ADSS1: variants seen among roughly 807,000 people sequenced by gnomAD.
ADSS1 encodes the protein adenylosuccinate synthase 1, also known as adenylosuccinate synthetase isozyme 1.
Under a neutral mutation model 59.1 loss-of-function variants are expected in ADSS1, and 57 were observed. The observed-to-expected ratio is 0.97, with a 90% CI of 0.78 to 1.20. The LOEUF is 1.20. Among genes scored for constraint, ADSS1 ranks in the 50% most tolerant of loss-of-function variants. ADSS1 has a pLI of 0.00. For missense variants in ADSS1, 603 were observed against 610.3 expected (o/e 0.99, Z 0.13); for synonymous variants, 247 against 249.4 (o/e 0.99, Z 0.09).
At chr14:104,739,284 C>A in intron 3 of ADSS1, 44 bp from the exon 4 acceptor site, 1 of 1,585,080 alleles carries the variant, frequency 6.3e-7, no homozygotes, top group Non-Finnish European at 8.6e-7. Context: ...TGAGCTGCAG[C>A]GCACCTGTGA....
In ADSS1 at chr14:104,740,542, G is replaced by A; in HGVS notation, c.477-59G>A. 6.6e-7 allele frequency: 1 copy of A among 1,514,612 alleles called. No homozygotes were observed. Among genetic ancestry groups the A allele is most frequent in the Admixed American group, 1.8e-5 (1 of 56,080 alleles). The allele number at this position is 1,514,612 out of a possible 1,614,324, so 93.8% of individuals were successfully genotyped here. ...CCGGCGGGGGTCATGGCCTCAGTGG[G>A]ATGCCTGAGCTCCTCAGGGCTCCTG... On this transcript the variant is annotated intron_variant, in intron 5 of 12. Coordinates refer to ENST00000330877, the MANE Select transcript of ADSS1 (RefSeq NM_152328.5). The surrounding 1 kb of genome is among the most constrained non-coding windows in gnomAD (Gnocchi z 4.8).
intron 9 of ADSS1, among the ~76,000 whole-genome samples, 195 bp downstream of exon 9, chr14:104,742,197 C>T (rs1439364554): frequency 6.6e-6 from 1 of 152,240 alleles, no homozygotes; most frequent in Non-Finnish European, 1.5e-5. Context: ...GGCCTGTTCC[C>T]ACGGCCACAG....
At chr14:104,732,450 G>A (rs1219342463) in intron 1 of ADSS1, among the ~76,000 whole-genome samples, 1 of 152,346 alleles carries the variant, frequency 6.6e-6, no homozygotes, top group African/African-American at 2.4e-5. Context: ...CCCCAGAACT[G>A]GGAGCCCCTG....
At position 104,740,625 on chromosome 14, in the gene ADSS1, C is replaced by T. The variant is rs752562610; in HGVS notation, c.501C>T (p.Ile167=). The T allele has an allele frequency of 5.0e-6, 8 of 1,613,792 alleles. No individual in the cohort carries two copies. Among genetic ancestry groups the T allele is most frequent in the African/African-American group, 2.7e-5 (2 of 74,900 alleles). The change falls in exon 6 of 13, where the codon ATC becomes ATT. Residue 167 remains isoleucine, a synonymous_variant. Transcript: ENST00000330877. This position sits in a 1 kb window ranked among gnomAD's most constrained non-coding sequence, Gnocchi z 4.8. ...GKNIGTTKKG[I]GPTYSSKAAR... ...GTATAGGCACCACCAAGAAGGGAAT[C>T]GGACCAACCTACTCTTCCAAAGCTG...
chr14:104,732,531 T>C (rs1011982529), intron 1 of ADSS1, among the ~76,000 whole-genome samples: 1 of 152,202 alleles, frequency 6.6e-6, no homozygotes, highest in African/African-American at 2.4e-5. Flanking sequence ...GCACTGGCCC[T>C]GCGGTCATTG....
At position 104,741,156 on chromosome 14, in the gene ADSS1, GT is replaced by G. The variant is rs1891334028; in HGVS notation, c.709del (p.Tyr237ThrfsTer34). ...GATCAGACCCATGGTCCGAGATGGTGTTTACTTTATGTATGAGGCACTCCAC... is the reference window on the plus strand; with the variant it reads ...GATCAGACCCATGGTCCGAGATGGTGTTACTTTATGTATGAGGCACTCCAC... The part of the protein sequence containing the change: ...ERIRPMVRDG[V>X]YFMYEALHGP... On this transcript the variant is annotated frameshift_variant, in exon 8 of 13. Coordinates refer to ENST00000330877, the MANE Select transcript of ADSS1 (RefSeq NM_152328.5). LOFTEE classifies it high-confidence loss of function. 6.2e-7 allele frequency: 1 copy of G among 1,612,126 alleles called. No individual in the cohort carries two copies. The highest frequency in any genetic ancestry group is 1.1e-5 in the South Asian group (1 of 90,922).
At chr14:104,739,869 C>T (rs926071811) in intron 5 of ADSS1, 53 bp downstream of exon 5, 9 of 1,591,990 alleles carry the variant, frequency 5.7e-6, no homozygotes, top group Admixed American at 5.0e-5. Context: ...GCCCGTAAGC[C>T]GGTAGACTGT....
intron 11 of ADSS1, 94 bp from the exon 12 acceptor site, chr14:104,746,142 G>A: frequency 6.7e-7 from 1 of 1,488,060 alleles, no homozygotes; most frequent in East Asian, 2.3e-5. Flanking sequence ...TAGGCAAGGA[G>A]GCCCTGGATG....
chr14:104,743,318 C>T (rs1341046170), intron 10 of ADSS1, 127 bp downstream of exon 10: 5 of 1,401,110 alleles, frequency 3.6e-6, no homozygotes, highest in East Asian at 2.4e-5. Flanking sequence ...CCACTGATCT[C>T]GACCCTTCCA....
intron 1 of ADSS1, among the ~76,000 whole-genome samples, chr14:104,732,171 C>G (rs1890955581): frequency 6.6e-6 from 1 of 152,212 alleles, no homozygotes; most frequent in Non-Finnish European, 1.5e-5. Flanking sequence ...CTGGTGGCTC[C>G]CATGGCAAGG....
At chr14:104,731,382 G>A (rs543826275) in intron 1 of ADSS1, among the ~76,000 whole-genome samples, 45 of 152,342 alleles carry the variant, frequency 3.0e-4, no homozygotes, top group African/African-American at 1.0e-3. Context: ...ATGGGTGACT[G>A]TCCATGGCAG....
chr14:104,743,053 C>T lies in ADSS1; in HGVS notation c.949-14C>T, dbSNP rs1382220471. 2.5e-6 allele frequency: 4 copies of T among 1,612,522 alleles called. No homozygotes were observed. In the African/African-American group the frequency reaches 5.3e-5, roughly 22 times the overall value. On this transcript the variant is annotated splice_polypyrimidine_tract_variant and intron_variant, in intron 9 of 12. Coordinates refer to ENST00000330877, the MANE Select transcript of ADSS1 (RefSeq NM_152328.5). ...CACGACAGCTCACATGACGTCCTCC[C>T]TGTTCTCATGTAGGAGATTGGAGGC...
At chr14:104,735,752 G>A (rs906087055) in intron 2 of ADSS1, among the ~76,000 whole-genome samples, 6 of 152,140 alleles carry the variant, frequency 3.9e-5, no homozygotes, top group African/African-American at 7.2e-5. Context: ...TCCAAGAGGC[G>A]AGCCACCTCT....
In ADSS1 at chr14:104,740,726, A is replaced by T; in HGVS notation, c.584+18A>T. ...TCCTCCAGGTACCTGAGCCGTCTGC[A>T]GTCCCCGGGGAGGATGGGGAGAAGT... On this transcript the variant is annotated intron_variant, in intron 6 of 12. Coordinates refer to ENST00000330877, the MANE Select transcript of ADSS1 (RefSeq NM_152328.5). The surrounding 1 kb of genome is among the most constrained non-coding windows in gnomAD (Gnocchi z 4.8). 1.9e-6 allele frequency: 3 copies of T among 1,613,650 alleles called. No homozygotes were observed. The highest frequency in any genetic ancestry group is 2.5e-6 in the Non-Finnish European group (3 of 1,179,690).
chr14:104,741,716 C>G, intron 8 of ADSS1, 132 bp from the exon 9 acceptor site: 1 of 1,123,668 alleles, frequency 8.9e-7, no homozygotes, highest in Non-Finnish European at 1.3e-6. Context: ...ACAGGCCAGG[C>G]TGGCGACCCC....
chr14:104,742,106 C>A, intron 9 of ADSS1, 104 bp downstream of exon 9: 3 of 1,454,988 alleles, frequency 2.1e-6, no homozygotes, highest in East Asian at 2.3e-5. Context: ...GCGGACCTTG[C>A]CAGTGCCATC....
intron 1 of ADSS1, among the ~76,000 whole-genome samples, chr14:104,726,047 A>C (rs1301254528): frequency 6.6e-6 from 1 of 152,054 alleles, no homozygotes; most frequent in Non-Finnish European, 1.5e-5. Flanking sequence ...AGGATGCAGC[A>C]GGCTGGAGCC....
At position 104,740,243 on chromosome 14, in the gene ADSS1, T is replaced by C. The variant is rs770298867; in HGVS notation, c.477-358T>C. ...TGGTCACACACTTACCCACTCACAC[T>C]CTCACACAGGCACACACTCATGCTC... is the stretch of plus-strand genomic sequence containing the variant. On this transcript the variant is annotated intron_variant, in intron 5 of 12. Transcript: ENST00000330877. This position sits in a 1 kb window ranked among gnomAD's most constrained non-coding sequence, Gnocchi z 4.8. Among the ~76,000 whole-genome samples, 9 of 151,780 alleles carry C rather than the reference T, an allele frequency of 5.9e-5. No individual in the cohort carries two copies. The highest frequency in any genetic ancestry group is 2.2e-4 in the African/African-American group (9 of 41,250).
chr14:104,724,699 C>T (rs575804727), intron 1 of ADSS1, among the ~76,000 whole-genome samples: 1 of 152,102 alleles, frequency 6.6e-6, no homozygotes, highest in Admixed American at 6.5e-5. Context: ...ACCCCGGCAG[C>T]GGGCCAGGGC....
Sources: gnomAD v4.1 joint callset for allele counts (sites outside exome capture counted in the v4.1 genomes callset) on GRCh38, gnomAD v4.1.1 for gene constraint, Gnocchi (gnomAD v3.1) non-coding constraint, MANE v1.5 for transcripts, NCBI Gene and HGNC (gene_info 2026-07-23, HGNC 2026-07-21) for gene names.